Variants in STAT2 observed in about 807,000 individuals in gnomAD.
STAT2 encodes signal transducer and activator of transcription 2.
In STAT2, 51 loss-of-function variants were observed where a neutral mutation model predicts 122.3. That is an observed-to-expected ratio of 0.42 (90% confidence interval 0.33 to 0.53). The LOEUF is 0.53. STAT2 is among the 20% of genes least tolerant of loss of function. The pLI, the probability that STAT2 is intolerant of heterozygous loss-of-function variation, is 0.10. For missense variants in STAT2, 736 were observed against 1,010.3 expected, an observed-to-expected ratio of 0.73 and a Z score of 3.68; for synonymous variants, 351 against 394.9, an observed-to-expected ratio of 0.89 and a Z score of 1.32.
chr12:56,353,995 CAA>C (rs1187550270), intron 8 of STAT2, among the ~76,000 whole-genome samples: 15 of 12,758 alleles, frequency 1.2e-3, no homozygotes, highest in South Asian at 4.2e-3. Context: ...GACTCCGTCT[CAA>C]AAAAAAAAAA....
At chr12:56,355,584 G>C in intron 4 of STAT2, 52 bp from the exon 5 acceptor site, 1 of 1,604,116 alleles carries the variant, frequency 6.2e-7, no homozygotes, top group Non-Finnish European at 8.5e-7. Context: ...CATGCCTTAA[G>C]TTCAGGCCTG....
chr12:56,349,846 C>G, intron 13 of STAT2: 1 of 677,590 alleles, frequency 1.5e-6, no homozygotes, highest in Non-Finnish European at 2.5e-6. Context: ...GTCAGGAGTT[C>G]GAGACCAGCC....
intron 6 of STAT2, 51 bp from the exon 7 acceptor site, chr12:56,354,914 G>C (rs748147817): frequency 7.7e-6 from 12 of 1,563,856 alleles, no homozygotes; most frequent in Non-Finnish European, 9.7e-6. Flanking sequence ...TCTCCTTCCT[G>C]ACTGGGGTCT....
At position 56,346,204 on chromosome 12, in the gene STAT2, CTG is replaced by C; in HGVS notation, c.2045-3_2045-2del. 1.9e-6 allele frequency: 3 copies of C among 1,614,080 alleles called. No individual in the cohort carries two copies. Among genetic ancestry groups the C allele is most frequent in the Non-Finnish European group, 2.5e-6 (3 of 1,179,960 alleles). On this transcript the variant is annotated splice_acceptor_variant and splice_polypyrimidine_tract_variant and intron_variant, in intron 21 of 23. Transcript: ENST00000314128. LOFTEE classifies it high-confidence loss of function. Reference sequence around the variant, plus strand: ...TATTTCCTCCGTTCCTGGAGATTAACTGTGAGGAACATATACAAGAAGCAGAG... The same window carrying C: ...TATTTCCTCCGTTCCTGGAGATTAACTGAGGAACATATACAAGAAGCAGAG...
intron 8 of STAT2, among the ~76,000 whole-genome samples, chr12:56,352,965 C>T (rs1453648549): frequency 6.6e-6 from 1 of 151,694 alleles, no homozygotes; most frequent in African/African-American, 2.4e-5. Context: ...GGACTACAGG[C>T]GTGTGCCACC....
chr12:56,348,668 T>C (rs1877925098), intron 18 of STAT2, 45 bp from the exon 19 acceptor site: 1 of 1,613,984 alleles, frequency 6.2e-7, no homozygotes, highest in Non-Finnish European at 8.5e-7. Context: ...GAGTTGCCTC[T>C]GGTGTAGGGA....
Position 56,356,545 on chromosome 12 carries a change from AT to A in STAT2, c.26del (p.Asn9IlefsTer59), listed in dbSNP as rs772046505. 1.2e-6 allele frequency: 2 copies of A among 1,614,098 alleles called. No individual in the cohort carries two copies. Among genetic ancestry groups the A allele is most frequent in the Non-Finnish European group, 1.7e-6 (2 of 1,180,048 alleles). On this transcript the variant is annotated frameshift_variant, in exon 2 of 24. Coordinates refer to ENST00000314128, the MANE Select transcript of STAT2 (RefSeq NM_005419.4). LOFTEE classifies it high-confidence loss of function. MAQWEMLQNLDSPFQDQLH... is the reference protein window; with the variant it reads MAQWEMLQXLDSPFQDQLH... ...GCTGATCCTGAAAGGGGCTGTCAAG[AT>A]TCTGCAGCATTTCCCACTGCGCCAT...
Position 56,356,171 on chromosome 12 carries a change from C to G in STAT2, c.246G>C (p.Leu82Phe). ...GRCSQDPESL[L>F]LQHNLRKFCR... ...AGAATTTCCGCAAATTGTGCTGCAG[C>G]AACAAGGACTCTGGGTCCTGGCTGC... The change falls in exon 3 of 24, where the codon TTG (leucine) becomes TTC (phenylalanine). Residue 82 changes from leucine (L) to phenylalanine (F), a missense_variant. Coordinates refer to ENST00000314128, the MANE Select transcript of STAT2 (RefSeq NM_005419.4). 1 of 1,614,172 alleles carries G rather than the reference C, an allele frequency of 6.2e-7. No individual in the cohort carries two copies. Among genetic ancestry groups the G allele is most frequent in the Non-Finnish European group, 8.5e-7 (1 of 1,180,032 alleles).
At position 56,348,455 on chromosome 12, in the gene STAT2, C is replaced by A. The variant is rs1336063927; in HGVS notation, c.1724+74G>T. The A allele has an allele frequency of 2.7e-6, 4 of 1,491,072 alleles. No individual in the cohort carries two copies. The Admixed American group carries it at 6.7e-5, about 25-fold the overall frequency. 92.4% of individuals were successfully genotyped at this position (1,491,072 alleles called of 1,614,324 possible). ...CTTTGCTCTCTCTCCCTGCTTGCCA[C>A]GTGAGGGTGCAGAGACTCCACTCTC... On this transcript the variant is annotated intron_variant, in intron 19 of 23. Transcript: ENST00000314128.
chr12:56,351,459 T>C lies in STAT2; in HGVS notation c.783-9A>G. Reference sequence around the variant, plus strand: ...TTGCTCCAGCTGTGAACCTGGGTGATAAAATTCAGGAAGAAGGAATCCATG... The same window carrying C: ...TTGCTCCAGCTGTGAACCTGGGTGACAAAATTCAGGAAGAAGGAATCCATG... On this transcript the variant is annotated splice_polypyrimidine_tract_variant and intron_variant, in intron 8 of 23. Coordinates refer to ENST00000314128, the MANE Select transcript of STAT2 (RefSeq NM_005419.4). 1 of 1,610,970 alleles carries C rather than the reference T, an allele frequency of 6.2e-7. No individual in the cohort carries two copies. The highest frequency in any genetic ancestry group is 8.5e-7 in the Non-Finnish European group (1 of 1,178,912).
At chr12:56,345,524 A>AAAAATATATATATATATATAT (rs1555169410) in intron 22 of STAT2, among the ~76,000 whole-genome samples, 2 of 26,242 alleles carry the variant, frequency 7.6e-5, no homozygotes, top group Non-Finnish European at 1.1e-4. Flanking sequence ...AAAAAAAAAA[A>AAAAATATATATATATATATAT]ATATATATAT....
intron 8 of STAT2, among the ~76,000 whole-genome samples, chr12:56,354,010 A>AT (rs1555171450): frequency 2.5e-4 from 5 of 19,612 alleles, no homozygotes; most frequent in South Asian, 9.8e-3. Flanking sequence ...AAAAAAAAAA[A>AT]AAAAAAATAT....
chr12:56,351,215 A>G (rs1295484835), intron 9 of STAT2, 25 bp from the exon 10 acceptor site: 1 of 1,611,870 alleles, frequency 6.2e-7, no homozygotes, highest in Non-Finnish European at 8.5e-7. Context: ...GTGTGGAGAG[A>G]ATATATAGCT....
At chr12:56,358,027 T>A (rs1339899826) in intron 1 of STAT2, among the ~76,000 whole-genome samples, 3 of 152,138 alleles carry the variant, frequency 2.0e-5, no homozygotes, top group African/African-American at 7.2e-5. Context: ...AAATACACAC[T>A]AGAGTAGAGT....
chr12:56,352,061 T>TTA (rs1054836822), intron 8 of STAT2, among the ~76,000 whole-genome samples: 7 of 151,950 alleles, frequency 4.6e-5, no homozygotes, highest in South Asian at 2.1e-4. Flanking sequence ...CCCGGCTAAC[T>TTA]TATATATATA....
intron 23 of STAT2, 81 bp downstream of exon 23, chr12:56,343,744 A>C (rs1876918986): frequency 6.4e-7 from 1 of 1,574,532 alleles, no homozygotes; most frequent in African/African-American, 1.3e-5. Flanking sequence ...CTTGGAGTTC[A>C]GCTTTTTCTG....
chr12:56,356,031 C>A, intron 3 of STAT2, 101 bp downstream of exon 3: 2 of 1,497,116 alleles, frequency 1.3e-6, no homozygotes, highest in South Asian at 1.3e-5. Flanking sequence ...CATTTGTTCC[C>A]GTCTCCCTTT....
At position 56,357,998 on chromosome 12, in the gene STAT2, C is replaced by T. The variant is rs74660440; in HGVS notation, c.-7-1420G>A. On this transcript the variant is annotated intron_variant, in intron 1 of 23. Transcript: ENST00000314128. ...ATTAACAGGCATGAGCCACCATAAC[C>T]AGCCTAATGGTAATTTTCAAATACA... Among the ~76,000 whole-genome samples, 107 of 152,252 alleles carry T rather than the reference C, an allele frequency of 7.0e-4. 1 individual carries two copies. In the East Asian group the frequency reaches 7.1e-3, roughly 10 times the overall value.
At chr12:56,349,797 C>T in intron 13 of STAT2, 161 bp from the exon 14 acceptor site, 1 of 956,060 alleles carries the variant, frequency 1.0e-6, no homozygotes, top group Non-Finnish European at 1.6e-6. Flanking sequence ...GCCTGTGATC[C>T]CAGCACTTTG....
Sources: gnomAD v4.1 joint callset for allele counts (sites outside exome capture counted in the v4.1 genomes callset) on GRCh38, gnomAD v4.1.1 for gene constraint, MANE v1.5 for transcripts, NCBI Gene and HGNC (gene_info 2026-07-23, HGNC 2026-07-21) for gene names.